The following MACROD2 variants were observed in gnomAD, a reference collection of about 807,000 sequenced individuals.
MACROD2 encodes the protein mono-ADP ribosylhydrolase 2.
In MACROD2, 36 loss-of-function variants were observed where a neutral mutation model predicts 70.4. The ratio of observed to expected loss-of-function variants is 0.51; its 90% CI spans 0.39 to 0.68. The LOEUF (loss-of-function observed/expected upper bound fraction) is 0.68, where lower values mean the gene tolerates loss of function less well. Among genes scored for constraint, MACROD2 ranks in the 30% least tolerant of loss-of-function variants. The pLI is 0.00. For missense variants in MACROD2, 496 were observed against 538.4 expected, an observed-to-expected ratio of 0.92 and a Z score of 0.78; for synonymous variants, 172 against 178.8, an observed-to-expected ratio of 0.96 and a Z score of 0.30.
chr20:15,962,574 G>A (rs1407189232), intron 12 of MACROD2, among the ~76,000 whole-genome samples: 1 of 152,196 alleles, frequency 6.6e-6, no homozygotes, highest in Non-Finnish European at 1.5e-5. Context: ...AATTAATTGT[G>A]CATTATGGTA....
intron 8 of MACROD2, among the ~76,000 whole-genome samples, chr20:15,829,321 A>C (rs137916674): frequency 2.2e-3 from 330 of 152,328 alleles, no homozygotes; most frequent in Non-Finnish European, 3.6e-3. Flanking sequence ...AATCCATTGC[A>C]GCAACTTATC....
chr20:14,346,042 C>T lies in MACROD2; in HGVS notation c.272-147437C>T, dbSNP rs528663829. Among the ~76,000 whole-genome samples the T allele has an allele frequency of 9.9e-4, 127 of 128,470 alleles. 3 individuals are homozygous for T. The South Asian group carries it at 0.031, about 31-fold the overall frequency. The allele number at this position is 128,470 out of a possible 152,430, so 84.3% of individuals were successfully genotyped here. A position where few individuals can be genotyped will look rare whatever the true frequency, so the allele number is the denominator to read the frequency against. On this transcript the variant is annotated intron_variant, in intron 3 of 17. Transcript: ENST00000684519. ...CTGGGAGGCAGAGCTTGCAGTGAGCCGAGATTGCACCACTGCACTCCAGCC... is the reference window on the plus strand; with the variant it reads ...CTGGGAGGCAGAGCTTGCAGTGAGCTGAGATTGCACCACTGCACTCCAGCC...
At chr20:15,453,616 G>GT (rs1293287033) in intron 7 of MACROD2, among the ~76,000 whole-genome samples, 1 of 152,020 alleles carries the variant, frequency 6.6e-6, no homozygotes, top group Non-Finnish European at 1.5e-5. Context: ...TTTCCTTATT[G>GT]TACAAATGAG....
At position 14,060,622 on chromosome 20, in the gene MACROD2, ATCT is replaced by A. The variant is rs759535365; in HGVS notation, c.164-24994_164-24992del. 3.4e-3 allele frequency among the ~76,000 whole-genome samples: 519 copies of A among 152,246 alleles called. 2 individuals carry two copies. Among genetic ancestry groups the A allele is most frequent in the African/African-American group, 9.9e-3 (412 of 41,558 alleles). ...GGATGGAGGATGGGGGAGATTCGTA[ATCT>A]TCTTTGTGCTCAGAAAGAGAATCTG... On this transcript the variant is annotated intron_variant, in intron 2 of 17. Transcript: ENST00000684519.
intron 7 of MACROD2, among the ~76,000 whole-genome samples, chr20:15,476,660 G>C (rs929911798): frequency 3.9e-5 from 6 of 151,988 alleles, no homozygotes; most frequent in African/African-American, 1.5e-4. Flanking sequence ...TTGTATTTGA[G>C]ACAAAATAAC....
At chr20:14,827,819 T>G (rs1223380136) in intron 5 of MACROD2, among the ~76,000 whole-genome samples, 2 of 152,082 alleles carry the variant, frequency 1.3e-5, no homozygotes, top group African/African-American at 4.8e-5. Flanking sequence ...GACTAACATT[T>G]TAATAAACAT....
Position 15,792,721 on chromosome 20 carries a change from G to A in MACROD2, c.646-70024G>A, listed in dbSNP as rs148120794. Among the ~76,000 whole-genome samples the A allele has an allele frequency of 3.4e-3, 523 of 152,282 alleles. 7 individuals are homozygous for A. Among genetic ancestry groups the A allele is most frequent in the East Asian group, 0.025 (127 of 5,180 alleles). On this transcript the variant is annotated intron_variant, in intron 8 of 17. Coordinates refer to ENST00000684519, the MANE Select transcript of MACROD2 (RefSeq NM_001351661.2). ...CTGTTAATACATTGTTGCTTGAGGT[G>A]TAAATTGGCTCGACCTCTTTGTCAG...
intron 5 of MACROD2, among the ~76,000 whole-genome samples, chr20:15,078,727 A>G (rs1043276702): frequency 1.3e-4 from 19 of 149,596 alleles, no homozygotes; most frequent in African/African-American, 4.7e-4. Context: ...TTTTTCTGCA[A>G]TCTTCGACTC....
rs567651558 is a variant in MACROD2, at chr20:15,262,329, T to G, written c.540+32268T>G. ...TCTTTCTGTGCCTGGCTTATTTCAC[T>G]TAACACAATGACCTTCAGTTCCATC... On this transcript the variant is annotated intron_variant, in intron 6 of 17. Coordinates refer to ENST00000684519, the MANE Select transcript of MACROD2 (RefSeq NM_001351661.2). Among the ~76,000 whole-genome samples the G allele has an allele frequency of 2.0e-5, 3 of 152,196 alleles. No homozygotes were observed. The East Asian group carries it at 5.8e-4, about 29-fold the overall frequency.
intron 6 of MACROD2, among the ~76,000 whole-genome samples, chr20:15,233,987 A>T (rs1362481249): frequency 1.1e-4 from 6 of 56,654 alleles, no homozygotes; most frequent in African/African-American, 2.3e-4. Context: ...ATTTATTTAT[A>T]TATATATATA....
intron 5 of MACROD2, among the ~76,000 whole-genome samples, chr20:15,143,983 A>G (rs1369007544): frequency 1.3e-5 from 2 of 151,668 alleles, no homozygotes; most frequent in East Asian, 3.9e-4. Flanking sequence ...AAACCTCATA[A>G]TATTTTAAGA....
At chr20:15,343,504 C>T (rs1426017722) in intron 6 of MACROD2, among the ~76,000 whole-genome samples, 2 of 152,174 alleles carry the variant, frequency 1.3e-5, no homozygotes, top group African/African-American at 2.4e-5. Context: ...CTTCTCTCTC[C>T]CTCTGCTGTC....
intron 5 of MACROD2, among the ~76,000 whole-genome samples, chr20:14,775,324 C>T (rs2072219870): frequency 6.6e-6 from 1 of 151,922 alleles, no homozygotes; most frequent in African/African-American, 2.4e-5. Flanking sequence ...ATTTTAAAAA[C>T]AGGTTTATTT....
intron 5 of MACROD2, among the ~76,000 whole-genome samples, chr20:14,781,467 C>T (rs2072299819): frequency 6.8e-6 from 1 of 146,426 alleles, no homozygotes; most frequent in South Asian, 2.3e-4. Flanking sequence ...GCCTTAGTGA[C>T]TTCTCTTCCA....
At chr20:14,451,781 GA>G (rs1178895866) in intron 3 of MACROD2, among the ~76,000 whole-genome samples, 4 of 152,290 alleles carry the variant, frequency 2.6e-5, no homozygotes, top group African/African-American at 9.6e-5. Flanking sequence ...GGGAATATGG[GA>G]GGAGCGTCCA....
chr20:14,070,237 GA>G (rs1191955134), intron 2 of MACROD2, among the ~76,000 whole-genome samples: 1 of 152,160 alleles, frequency 6.6e-6, no homozygotes, highest in African/African-American at 2.4e-5. Flanking sequence ...CTACGAGAGA[GA>G]ATCTTCTAAT....
At position 15,967,554 on chromosome 20, in the gene MACROD2, T is replaced by C. The variant is rs1162475664; in HGVS notation, c.909T>C (p.Asp303=). 1.2e-6 allele frequency: 2 copies of C among 1,610,738 alleles called. No individual in the cohort carries two copies. The highest frequency in any genetic ancestry group is 1.7e-6 in the Non-Finnish European group (2 of 1,178,770). The change falls in exon 13 of 18, where the codon GAT becomes GAC. Residue 303 remains aspartate (D), a splice_region_variant and synonymous_variant. Transcript: ENST00000684519. ...AAGGTTTTGCTTGTTTGTTGTTAGA[T>C]TTTGCAAAGGATGAAAATATTACAA... ...EEAVEDCKDE[D]FAKDENITKG...
chr20:15,834,270 G>A (rs944393226), intron 8 of MACROD2, among the ~76,000 whole-genome samples: 14 of 152,160 alleles, frequency 9.2e-5, no homozygotes, highest in African/African-American at 3.4e-4. Flanking sequence ...AACCCAGGAG[G>A]CAGAGGTTGC....
At chr20:14,955,125 A>ATATTATTTTTT in intron 5 of MACROD2, among the ~76,000 whole-genome samples, 1 of 42,974 alleles carries the variant, frequency 2.3e-5, no homozygotes, top group South Asian at 5.0e-4. Flanking sequence ...TATAACTTAT[A>ATATTATTTTTT]TATTATAATT....
Sources: allele counts gnomAD v4.1 joint callset (sites outside exome capture counted in the v4.1 genomes callset), GRCh38; gene constraint gnomAD v4.1.1; transcripts MANE v1.5; gene names NCBI Gene and HGNC (gene_info 2026-07-23, HGNC 2026-07-21).